TTBK2: variants seen among roughly 807,000 people sequenced by gnomAD.
TTBK2 encodes the protein tau-tubulin kinase 2.
A neutral mutation model predicts 110.8 loss-of-function variants in TTBK2; 28 were observed. That is an observed-to-expected ratio of 0.25 (90% CI 0.19 to 0.35). TTBK2 has a LOEUF of 0.35. TTBK2 is among the 10% of genes least tolerant of loss of function. The pLI is 1.00. For synonymous variants in TTBK2, 532 were observed against 527.3 expected, an observed-to-expected ratio of 1.01 and a Z score of -0.12; for missense variants, 1,369 against 1,500.3, an observed-to-expected ratio of 0.91 and a Z score of 1.45.
intron 9 of TTBK2, chr15:42,800,178 C>A: frequency 2.5e-6 from 1 of 393,606 alleles, no homozygotes; most frequent in Non-Finnish European, 4.8e-6. Flanking sequence ...TTCTATTTTT[C>A]TGTTAATTCT....
chr15:42,775,718 T>C lies in TTBK2; in HGVS notation c.1415A>G (p.Glu472Gly). 6.2e-7 allele frequency: 1 copy of C among 1,610,546 alleles called. No homozygotes were observed. The highest frequency in any genetic ancestry group is 8.5e-7 in the Non-Finnish European group (1 of 1,179,720). Residue 472 changes from glutamate (E) to glycine (G), a missense_variant, in exon 13 of 15, where the codon GAG becomes GGG. Glu to Gly is a moderately conservative substitution (Grantham distance 98). This residue lies in a region of TTBK2 where 1,097 missense variants were observed against 1,114.7 expected (regional missense o/e 0.98). Coordinates refer to ENST00000267890, the MANE Select transcript of TTBK2 (RefSeq NM_173500.4). ...TGCACTGGTATCTTTCTGCATTTTC[T>C]CCAGGCTTAAGGAAATGGAAAGAAG... ...DTDKFLETCL[E>G]KMQKDTSAGK...
Position 42,744,628 on chromosome 15 carries a change from G to A in TTBK2, c.*1167C>T, listed in dbSNP as rs916538375. ...GATTGTATGAAAATCAGGCCAAGAA[G>A]CCCAAATGTTGAACTAAAACACAGG... is the stretch of plus-strand genomic sequence containing the variant. On this transcript the variant is annotated 3_prime_UTR_variant, in exon 15 of 15. Coordinates refer to ENST00000267890, the MANE Select transcript of TTBK2 (RefSeq NM_173500.4). 2.0e-5 allele frequency: 3 copies of A among 152,046 alleles called. No individual in the cohort carries two copies. The South Asian group carries it at 6.2e-4, about 31-fold the overall frequency. The allele number at this position is 152,046 out of a possible 1,614,324, so 9.4% of individuals were successfully genotyped here. A position where few individuals can be genotyped will look rare whatever the true frequency, so the allele number is the denominator to read the frequency against.
At chr15:42,800,218 T>C (rs1416878403) in intron 9 of TTBK2, 1 of 417,730 alleles carries the variant, frequency 2.4e-6, no homozygotes, top group Non-Finnish European at 4.6e-6. Flanking sequence ...CATATTACTT[T>C]TAATAACTAG....
chr15:42,838,370 G>A (rs1013381879), intron 4 of TTBK2, among the ~76,000 whole-genome samples: 3 of 152,026 alleles, frequency 2.0e-5, no homozygotes, highest in Non-Finnish European at 2.9e-5. Flanking sequence ...GTGTGTGTGT[G>A]TGTGTGTGTA....
intron 3 of TTBK2, among the ~76,000 whole-genome samples, chr15:42,858,856 T>C (rs1019865299): frequency 6.6e-6 from 1 of 152,220 alleles, no homozygotes; most frequent in Non-Finnish European, 1.5e-5. Flanking sequence ...CCCTGAAATT[T>C]ACAGAAATAT....
chr15:42,910,072 G>A (rs1312132281), intron 1 of TTBK2, among the ~76,000 whole-genome samples: 1 of 152,134 alleles, frequency 6.6e-6, no homozygotes. Context: ...TTTATTTATT[G>A]AACACTGGCT....
At chr15:42,867,060 C>T (rs1380232069) in intron 3 of TTBK2, among the ~76,000 whole-genome samples, 3 of 151,666 alleles carry the variant, frequency 2.0e-5, no homozygotes, top group Non-Finnish European at 2.9e-5. Flanking sequence ...CTGGCTAACA[C>T]GGTGAAACCC....
At position 42,877,755 on chromosome 15, in the gene TTBK2, G is replaced by A. The variant is rs570921860; in HGVS notation, c.69+794C>T. Among the ~76,000 whole-genome samples the A allele has an allele frequency of 1.7e-4, 26 of 152,190 alleles. No homozygotes were observed. In the South Asian group the frequency reaches 5.4e-3, roughly 32 times the overall value. On this transcript the variant is annotated intron_variant, in intron 2 of 14. Transcript: ENST00000267890. Reference sequence around the variant, plus strand: ...AAAATGATACACAATCTTGGGGGAGGAGTCAGCAGGGAAGAAATGATTATT... The same window carrying A: ...AAAATGATACACAATCTTGGGGGAGAAGTCAGCAGGGAAGAAATGATTATT...
At chr15:42,770,183 C>A (rs1390824625) in intron 13 of TTBK2, among the ~76,000 whole-genome samples, 1 of 151,998 alleles carries the variant, frequency 6.6e-6, no homozygotes, top group African/African-American at 2.4e-5. Flanking sequence ...CAACATGGCA[C>A]ATGTATACCT....
intron 1 of TTBK2, among the ~76,000 whole-genome samples, chr15:42,897,827 C>T (rs1286404946): frequency 1.7e-5 from 1 of 60,068 alleles, no homozygotes; most frequent in Non-Finnish European, 3.2e-5. Context: ...TAGTGGTACA[C>T]ACACACACAC....
rs2061884700 is a variant in TTBK2, at chr15:42,752,739, T to C, written c.2507A>G (p.Asn836Ser). 6.2e-7 allele frequency: 1 copy of C among 1,614,076 alleles called. No homozygotes were observed. Among genetic ancestry groups the C allele is most frequent in the Non-Finnish European group, 8.5e-7 (1 of 1,180,046 alleles). ...TKTQTFSVVP[N>S]QDKNNEIMKL... ...CATTATCTCATTATTTTTGTCTTGATTTGGCACCACACTAAAAGTCTGTGT... is the reference window on the plus strand; with the variant it reads ...CATTATCTCATTATTTTTGTCTTGACTTGGCACCACACTAAAAGTCTGTGT... The change falls in exon 14 of 15, where the codon AAT (asparagine) becomes AGT (serine). Residue 836 changes from asparagine to serine, a missense_variant. Transcript: ENST00000267890.
At chr15:42,890,579 G>A (rs1895417440) in intron 1 of TTBK2, among the ~76,000 whole-genome samples, 1 of 152,150 alleles carries the variant, frequency 6.6e-6, no homozygotes, top group Non-Finnish European at 1.5e-5. Context: ...GAAGTATTCA[G>A]TATAGTAGTA....
rs762126085 is a variant in TTBK2, at chr15:42,872,719, C to T, written c.109G>A (p.Asp37Asn). Residue 37 changes from aspartate to asparagine, a missense_variant, in exon 3 of 15, where the codon GAT (aspartate) becomes AAT (asparagine). Coordinates refer to ENST00000267890, the MANE Select transcript of TTBK2 (RefSeq NM_173500.4). ...IGGGGFGEIYDALDMLTRENV... is the reference protein window; with the variant it reads ...IGGGGFGEIYNALDMLTRENV... Reference sequence around the variant, plus strand: ...TCCCTGGTGAGCATGTCCAAGGCATCGTAAATTTCTCCAAAGCCCCCACCC... The same window carrying T: ...TCCCTGGTGAGCATGTCCAAGGCATTGTAAATTTCTCCAAAGCCCCCACCC... 44 of 1,613,910 alleles carry T rather than the reference C, an allele frequency of 2.7e-5. No individual in the cohort carries two copies. Among genetic ancestry groups the T allele is most frequent in the Non-Finnish European group, 3.6e-5 (42 of 1,179,988 alleles).
intron 3 of TTBK2, among the ~76,000 whole-genome samples, chr15:42,848,389 C>A (rs1893555122): frequency 6.6e-6 from 1 of 151,990 alleles, no homozygotes. Context: ...CTATAGTGAA[C>A]CTTCCAATTA....
intron 4 of TTBK2, among the ~76,000 whole-genome samples, chr15:42,836,540 A>C (rs1892991817): frequency 6.6e-6 from 1 of 152,184 alleles, no homozygotes; most frequent in Non-Finnish European, 1.5e-5. Flanking sequence ...TATAGCATGC[A>C]ATTCAAATGG....
At chr15:42,773,593 T>C (rs1187301571) in intron 13 of TTBK2, among the ~76,000 whole-genome samples, 1 of 152,060 alleles carries the variant, frequency 6.6e-6, no homozygotes, top group African/African-American at 2.4e-5. Flanking sequence ...TCTTTGTAAA[T>C]AGGACAGCGT....
intron 13 of TTBK2, among the ~76,000 whole-genome samples, chr15:42,769,841 AGACTTGGAACCCAAAT>A (rs1476431000): frequency 6.6e-6 from 1 of 152,038 alleles, no homozygotes; most frequent in Non-Finnish European, 1.5e-5. Flanking sequence ...TCACAACAGC[AGACTTGGAACCCAAAT>A]GTCCATCAAT....
intron 11 of TTBK2, among the ~76,000 whole-genome samples, chr15:42,782,103 ACT>A (rs1890204337): frequency 6.6e-6 from 1 of 151,830 alleles, no homozygotes; most frequent in Admixed American, 6.6e-5. Context: ...GTGGAGTTTC[ACT>A]CTGTCATCCA....
intron 3 of TTBK2, among the ~76,000 whole-genome samples, chr15:42,859,479 T>C (rs1362651845): frequency 6.6e-6 from 1 of 152,064 alleles, no homozygotes; most frequent in African/African-American, 2.4e-5. Flanking sequence ...ATTCTAACTA[T>C]CCTGTCTCAC....
Sources: gnomAD v4.1 joint callset for allele counts (sites outside exome capture counted in the v4.1 genomes callset) on GRCh38, gnomAD v4.1.1 for gene constraint, gnomAD v4.1.1 regional missense constraint, MANE v1.5 for transcripts, NCBI Gene and HGNC (gene_info 2026-07-23, HGNC 2026-07-21) for gene names.